The following ARHGAP23 variants were observed in gnomAD, a reference collection of about 807,000 sequenced individuals.
The protein encoded by ARHGAP23 is Rho GTPase activating protein 23, also known as rho GTPase-activating protein 23.
A neutral mutation model predicts 136.3 loss-of-function variants in ARHGAP23; 34 were observed. The observed-to-expected ratio is 0.25, with a 90% CI of 0.19 to 0.33. The LOEUF (loss-of-function observed/expected upper bound fraction) is 0.33. Among genes scored for constraint, ARHGAP23 ranks in the 10% least tolerant of loss-of-function variants. ARHGAP23 has a pLI of 1.00. For synonymous variants in ARHGAP23, 832 were observed against 920.5 expected (o/e 0.90, Z 1.74); for missense variants, 1,808 against 2,139.0 (o/e 0.85, Z 3.05).
chr17:38,426,048 C>T (rs952904014), upstream of ARHGAP23, among the ~76,000 whole-genome samples: 2 of 151,908 alleles, frequency 1.3e-5, no homozygotes, highest in African/African-American at 4.8e-5. Flanking sequence ...CCAGGGGCAC[C>T]CCACGGCCAC....
chr17:38,421,341 C>G (rs2038518390), intron 1 of ARHGAP23, among the ~76,000 whole-genome samples: 1 of 152,248 alleles, frequency 6.6e-6, no homozygotes, highest in African/African-American at 2.4e-5. Context: ...AGCCTGTCCC[C>G]TGGACTGTGA....
intron 1 of ARHGAP23, among the ~76,000 whole-genome samples, chr17:38,455,554 C>T (rs954371159): frequency 6.6e-6 from 1 of 152,022 alleles, no homozygotes; most frequent in African/African-American, 2.4e-5. Context: ...GGGGGAGGGG[C>T]GGGGGGCGTG....
intron 1 of ARHGAP23, 29 bp from the exon 2 acceptor site, chr17:38,458,073 G>A (rs574650843): frequency 2.5e-5 from 38 of 1,535,126 alleles, no homozygotes; most frequent in Non-Finnish European, 3.0e-5. Context: ...CCACACGGGC[G>A]CTCAGCCTGG....
intron 23 of ARHGAP23, among the ~76,000 whole-genome samples, chr17:38,503,752 A>G (rs1229540541): frequency 6.6e-6 from 1 of 152,194 alleles, no homozygotes; most frequent in Non-Finnish European, 1.5e-5. Flanking sequence ...CTCCTGCAGG[A>G]GGCCTTCTCA....
At chr17:38,459,739 C>T (rs1049909165) in intron 2 of ARHGAP23, among the ~76,000 whole-genome samples, 12 of 152,222 alleles carry the variant, frequency 7.9e-5, no homozygotes, top group African/African-American at 2.9e-4. Context: ...AGGCTGTGTT[C>T]TCCCGTCCTT....
At chr17:38,423,516 C>T (rs149141456), upstream of ARHGAP23, among the ~76,000 whole-genome samples, 315 of 152,024 alleles carry the variant, frequency 2.1e-3, no homozygotes, top group African/African-American at 7.1e-3. Context: ...GGATTACAGG[C>T]GCACACCACC....
At chr17:38,429,138 G>C (rs2144478660) in intron 1 of ARHGAP23, among the ~76,000 whole-genome samples, 1 of 152,346 alleles carries the variant, frequency 6.6e-6, no homozygotes, top group Non-Finnish European at 1.5e-5. Flanking sequence ...ACAGGCCCAG[G>C]ACCCCGGGCT....
intron 1 of ARHGAP23, among the ~76,000 whole-genome samples, chr17:38,446,892 C>T (rs1567781642): frequency 6.6e-6 from 1 of 151,944 alleles, no homozygotes; most frequent in Non-Finnish European, 1.5e-5. Context: ...TAGCTCACTG[C>T]AGCCTCCAAC....
At chr17:38,502,622 T>A (rs1206640944) in intron 23 of ARHGAP23, among the ~76,000 whole-genome samples, 3 of 152,078 alleles carry the variant, frequency 2.0e-5, no homozygotes, top group Admixed American at 1.3e-4. Flanking sequence ...AGAAACCAGA[T>A]GGAATGAGCT....
At chr17:38,424,231 C>T (rs1202163712), upstream of ARHGAP23, among the ~76,000 whole-genome samples, 2 of 152,106 alleles carry the variant, frequency 1.3e-5, no homozygotes, top group South Asian at 2.1e-4. Flanking sequence ...CCGCTCATCA[C>T]GCCCTCCTTG....
intron 1 of ARHGAP23, chr17:38,457,645 TG>T (rs1270708773): frequency 5.1e-6 from 1 of 194,860 alleles, no homozygotes; most frequent in African/African-American, 2.4e-5. Flanking sequence ...TGTATGTGGC[TG>T]GGGCTGTGTC....
intron 1 of ARHGAP23, among the ~76,000 whole-genome samples, chr17:38,434,606 GC>G (rs926517222): frequency 1.3e-5 from 2 of 152,210 alleles, no homozygotes; most frequent in African/African-American, 4.8e-5. Context: ...AATGTGGTGG[GC>G]TGGGAGACCG....
chr17:38,507,652 C>T (rs969440516), intron 23 of ARHGAP23, among the ~76,000 whole-genome samples: 3 of 152,192 alleles, frequency 2.0e-5, no homozygotes, highest in African/African-American at 7.2e-5. Context: ...TCTCAGAGAG[C>T]ACTGGCCAGG....
intron 23 of ARHGAP23, among the ~76,000 whole-genome samples, chr17:38,505,518 G>GC (rs781321676): frequency 6.6e-6 from 1 of 151,984 alleles, no homozygotes; most frequent in Non-Finnish European, 1.5e-5. Context: ...CCCAACCCTT[G>GC]CCCCATAAGA....
intron 23 of ARHGAP23, among the ~76,000 whole-genome samples, chr17:38,509,093 G>A (rs1274528810): frequency 1.3e-5 from 2 of 151,614 alleles, no homozygotes; most frequent in Admixed American, 1.3e-4. Context: ...CAGAGGAGAG[G>A]CCAGAAGGGC....
chr17:38,465,961 G>A (rs1322811282), intron 6 of ARHGAP23, among the ~76,000 whole-genome samples: 4 of 152,112 alleles, frequency 2.6e-5, no homozygotes, highest in South Asian at 4.2e-4. Context: ...GTTTGCCTGC[G>A]TCTCAAAGGC....
intron 6 of ARHGAP23, 109 bp downstream of exon 6, chr17:38,463,491 C>A: frequency 7.5e-7 from 1 of 1,330,798 alleles, no homozygotes; most frequent in South Asian, 1.3e-5. Context: ...CCGACATTGC[C>A]CAGTTGGGGA....
intron 19 of ARHGAP23, 61 bp downstream of exon 19, chr17:38,490,612 C>T: frequency 7.5e-7 from 1 of 1,338,232 alleles, no homozygotes; most frequent in Non-Finnish European, 1.0e-6. Context: ...GTGTGAGGGC[C>T]CTCAGCACGC....
intron 11 of ARHGAP23, among the ~76,000 whole-genome samples, chr17:38,474,289 C>T (rs1289838044): frequency 6.6e-6 from 1 of 152,146 alleles, no homozygotes; most frequent in Admixed American, 6.5e-5. Flanking sequence ...CAGGAGGAGC[C>T]AATCCCATTG....
Sources: allele counts gnomAD v4.1 joint callset (sites outside exome capture counted in the v4.1 genomes callset), GRCh38; gene constraint gnomAD v4.1.1; transcripts MANE v1.5; gene names NCBI Gene and HGNC (gene_info 2026-07-23, HGNC 2026-07-21).